The following TENM2 variants were observed in gnomAD, a reference collection of about 807,000 sequenced individuals.
The protein encoded by TENM2 is teneurin-2.
A neutral mutation model predicts 245.2 loss-of-function variants in TENM2; 52 were observed. The observed-to-expected ratio is 0.21, with a 90% CI of 0.17 to 0.27. The LOEUF (loss-of-function observed/expected upper bound fraction) is 0.27. Among genes scored for constraint, TENM2 ranks in the 10% least tolerant of loss-of-function variants. The pLI is 1.00. For synonymous variants in TENM2, 1,363 were observed against 1,438.9 expected, an observed-to-expected ratio of 0.95 and a Z score of 1.19; for missense variants, 3,046 against 3,666.8, an observed-to-expected ratio of 0.83 and a Z score of 4.37.
the TENM2 span, among the ~76,000 whole-genome samples, chr5:167,196,654 G>A: frequency 1.4e-4 from 21 of 151,244 alleles, no homozygotes; most frequent in African/African-American, 3.9e-4. Context: ...GTGGGTTTGC[G>A]TTTATGGATT....
At chr5:167,474,476 C>G (rs1767236082) in intron 2 of TENM2, among the ~76,000 whole-genome samples, 1 of 151,842 alleles carries the variant, frequency 6.6e-6, no homozygotes, top group African/African-American at 2.4e-5. Context: ...ATACTAATCT[C>G]CATGGTAGGT....
chr5:167,980,769 G>A (rs574097148), intron 4 of TENM2, among the ~76,000 whole-genome samples: 1 of 152,154 alleles, frequency 6.6e-6, no homozygotes, highest in Non-Finnish European at 1.5e-5. Context: ...CAGGCCAGGC[G>A]CAAGATGATG....
At chr5:167,452,938 T>TATATATATATATATATATATTTTAA (rs1765676827) in intron 2 of TENM2, among the ~76,000 whole-genome samples, 1 of 5,166 alleles carries the variant, frequency 1.9e-4, no homozygotes, top group African/African-American at 2.9e-4. Context: ...GATTTATATA[T>TATATATATATATATATATATTTTAA]ATATATATAT....
At chr5:167,187,333 G>T in the TENM2 span, among the ~76,000 whole-genome samples, 1 of 152,172 alleles carries the variant, frequency 6.6e-6, no homozygotes, top group Non-Finnish European at 1.5e-5. Flanking sequence ...TTCTCAAAAG[G>T]CTGCCTCCTC....
chr5:168,201,982 A>G (rs964614198), intron 17 of TENM2, among the ~76,000 whole-genome samples: 1 of 152,022 alleles, frequency 6.6e-6, no homozygotes, highest in African/African-American at 2.4e-5. Context: ...TTCAGGTTTG[A>G]TTTTTTGATT....
At chr5:167,908,241 C>T (rs927082392) in intron 3 of TENM2, among the ~76,000 whole-genome samples, 2 of 152,032 alleles carry the variant, frequency 1.3e-5, no homozygotes, top group African/African-American at 4.8e-5. Flanking sequence ...TTGGCAGGAC[C>T]TCAGCAGGCT....
the TENM2 span, among the ~76,000 whole-genome samples, chr5:167,235,201 T>G: frequency 6.6e-6 from 1 of 152,184 alleles, no homozygotes; most frequent in African/African-American, 2.4e-5. Flanking sequence ...TCTAATCTCC[T>G]TTTTAAAAAT....
intron 2 of TENM2, among the ~76,000 whole-genome samples, chr5:167,733,685 A>G (rs1561717989): frequency 6.6e-6 from 1 of 152,176 alleles, no homozygotes; most frequent in Non-Finnish European, 1.5e-5. Flanking sequence ...ACTGAAACAA[A>G]TTTATTTCTT....
chr5:167,349,607 C>T (rs1391294310), intron 1 of TENM2, among the ~76,000 whole-genome samples: 2 of 152,012 alleles, frequency 1.3e-5, no homozygotes, highest in African/African-American at 4.8e-5. Context: ...ACTATATATA[C>T]ACACACATAT....
intron 2 of TENM2, among the ~76,000 whole-genome samples, chr5:167,665,946 G>A (rs1203092914): frequency 6.6e-6 from 1 of 152,110 alleles, no homozygotes. Flanking sequence ...ATACAAGACA[G>A]GGTCTAGCTG....
At chr5:167,014,690 C>T in the TENM2 span, among the ~76,000 whole-genome samples, 1 of 152,132 alleles carries the variant, frequency 6.6e-6, no homozygotes, top group Non-Finnish European at 1.5e-5. Flanking sequence ...CCTGACCAAG[C>T]AATAAAGGGA....
the TENM2 span, among the ~76,000 whole-genome samples, chr5:167,254,268 T>TTCC: frequency 6.6e-6 from 1 of 152,104 alleles, no homozygotes; most frequent in East Asian, 1.9e-4. Context: ...CTTGAGACCT[T>TTCC]TCCCACCTAG....
Position 168,080,681 on chromosome 5 carries a change from G to A in TENM2, c.1516-9893G>A, listed in dbSNP as rs982296099. 6.6e-5 allele frequency among the ~76,000 whole-genome samples: 10 copies of A among 152,070 alleles called. No individual in the cohort carries two copies. The East Asian group carries it at 9.7e-4, about 15-fold the overall frequency. On this transcript the variant is annotated intron_variant, in intron 7 of 28. Coordinates refer to ENST00000518659, the Ensembl canonical transcript of TENM2. ...ACATCTTTATTTCTGCCTTCATTTC[G>A]TTATGTACCCAGTAGTCATTCAGGA...
intron 2 of TENM2, among the ~76,000 whole-genome samples, chr5:167,407,488 T>C (rs1352159392): frequency 6.6e-6 from 1 of 152,042 alleles, no homozygotes; most frequent in Non-Finnish European, 1.5e-5. Context: ...TCTTACTACC[T>C]GAATTAATTA....
intron 3 of TENM2, among the ~76,000 whole-genome samples, chr5:167,891,559 G>C (rs993752273): frequency 2.0e-5 from 3 of 152,138 alleles, no homozygotes; most frequent in Non-Finnish European, 4.4e-5. Context: ...GGCTTATGCT[G>C]ACCCACTAAG....
intron 2 of TENM2, among the ~76,000 whole-genome samples, chr5:167,826,047 C>G (rs1197172249): frequency 6.6e-6 from 1 of 152,024 alleles, no homozygotes; most frequent in Admixed American, 6.6e-5. Context: ...CCACCCCAAG[C>G]TGCTCCAGTT....
At chr5:168,113,811 A>G (rs1026325420) in intron 9 of TENM2, among the ~76,000 whole-genome samples, 3 of 152,180 alleles carry the variant, frequency 2.0e-5, no homozygotes, top group African/African-American at 4.8e-5. Flanking sequence ...GGAATAGTCA[A>G]TTTGTACAAA....
chr5:167,558,763 T>C lies in TENM2; in HGVS notation c.502+183290T>C, dbSNP rs564306116. 1.1e-3 allele frequency among the ~76,000 whole-genome samples: 173 copies of C among 152,164 alleles called. 1 individual carries two copies. Among genetic ancestry groups the C allele is most frequent in the African/African-American group, 4.0e-3 (167 of 41,508 alleles). On this transcript the variant is annotated intron_variant, in intron 2 of 28. Coordinates refer to ENST00000518659, the Ensembl canonical transcript of TENM2. ...GAAATAAAGTGTACAATAAATGTAA[T>C]GTGCTTTAGTCATCCCGAAATCATC... is the stretch of plus-strand genomic sequence containing the variant.
intron 1 of TENM2, among the ~76,000 whole-genome samples, chr5:167,294,597 A>G (rs764956323): frequency 8.5e-5 from 13 of 152,058 alleles, no homozygotes; most frequent in Non-Finnish European, 1.8e-4. Flanking sequence ...TCCCCATCCC[A>G]CCACTCAGAG....
Sources: gnomAD v4.1 joint callset for allele counts (sites outside exome capture counted in the v4.1 genomes callset) on GRCh38, gnomAD v4.1.1 for gene constraint, MANE v1.5 for transcripts, NCBI Gene and HGNC (gene_info 2026-07-23, HGNC 2026-07-21) for gene names.